The following CADM2 variants were observed in gnomAD, a reference collection of about 807,000 sequenced individuals.
CADM2 encodes the protein cell adhesion molecule 2.
A neutral mutation model predicts 49.8 loss-of-function variants in CADM2; 12 were observed. The ratio of observed to expected loss-of-function variants is 0.24; its 90% CI spans 0.15 to 0.39. CADM2 has a LOEUF of 0.39. Among genes scored for constraint, CADM2 ranks in the 10% least tolerant of loss-of-function variants. The probability of loss-of-function intolerance (pLI) is 1.00; values close to 1 mark genes in which losing one functional copy is unlikely to be tolerated. For synonymous variants in CADM2, 214 were observed against 175.4 expected (o/e 1.22, Z -1.74); for missense variants, 378 against 492.3 (o/e 0.77, Z 2.20).
chr3:86,006,468 C>G (rs903609968), intron 8 of CADM2, among the ~76,000 whole-genome samples: 1 of 152,158 alleles, frequency 6.6e-6, no homozygotes, highest in African/African-American at 2.4e-5. Context: ...AGCACTCAAC[C>G]TGTTGAAGGC....
At chr3:85,810,030 T>C (rs2072751776) in intron 3 of CADM2, among the ~76,000 whole-genome samples, 1 of 151,902 alleles carries the variant, frequency 6.6e-6, no homozygotes, top group African/African-American at 2.4e-5. Flanking sequence ...ATAATACAGA[T>C]ACAGGCATAA....
intron 1 of CADM2, among the ~76,000 whole-genome samples, chr3:85,032,486 G>T (rs2035030586): frequency 6.6e-6 from 1 of 151,784 alleles, no homozygotes; most frequent in Non-Finnish European, 1.5e-5. Context: ...TTATTTTTAA[G>T]AAAAAAATGT....
At chr3:85,799,366 C>G (rs1299094810) in intron 2 of CADM2, among the ~76,000 whole-genome samples, 1 of 152,128 alleles carries the variant, frequency 6.6e-6, no homozygotes, top group Non-Finnish European at 1.5e-5. Flanking sequence ...AAAGGGAATG[C>G]TTCCAGCTTT....
chr3:85,696,459 G>A lies in CADM2; in HGVS notation c.62-30063G>A, dbSNP rs933660101. Among the ~76,000 whole-genome samples, 4 of 151,896 alleles carry A rather than the reference G, an allele frequency of 2.6e-5. 1 individual carries two copies. Among genetic ancestry groups the A allele is most frequent in the African/African-American group, 9.7e-5 (4 of 41,386 alleles). On this transcript the variant is annotated intron_variant, in intron 1 of 9. Coordinates refer to ENST00000383699, the MANE Select transcript of CADM2 (RefSeq NM_001167675.2). ...AATTTTTGTATATGATGAGAGATAGGGGCTTGGTTTCATTCTTCTGCATAT... is the reference window on the plus strand; with the variant it reads ...AATTTTTGTATATGATGAGAGATAGAGGCTTGGTTTCATTCTTCTGCATAT...
intron 1 of CADM2, among the ~76,000 whole-genome samples, chr3:85,417,566 T>C (rs183168701): frequency 6.6e-6 from 1 of 152,316 alleles, no homozygotes; most frequent in East Asian, 1.9e-4. Context: ...TAGTTAGCCA[T>C]GCAACTTTTA....
intron 1 of CADM2, among the ~76,000 whole-genome samples, chr3:85,609,170 A>G (rs1368041536): frequency 1.3e-5 from 2 of 151,910 alleles, no homozygotes; most frequent in Non-Finnish European, 2.9e-5. Flanking sequence ...TGTACCAAAT[A>G]TAGGAATTGC....
rs867682262 is a variant in CADM2 at position 85,912,470 on chromosome 3, G to A, written c.627G>A (p.Ala209=). 12 of 1,613,956 alleles carry A rather than the reference G, an allele frequency of 7.4e-6. No homozygotes were observed. The highest frequency in any genetic ancestry group is 6.7e-5 in the African/African-American group (5 of 74,904). ...FRVDRSDDGV[A]VICRVDHESL... ...TGGACCGGAGTGATGATGGAGTGGC[G>A]GTCATCTGCAGAGTAGATCACGAAT... Residue 209 remains alanine, a synonymous_variant, in exon 6 of 10, where the codon GCG becomes GCA. Transcript: ENST00000383699.
intron 7 of CADM2, among the ~76,000 whole-genome samples, chr3:85,948,181 C>T (rs1396597387): frequency 6.6e-6 from 1 of 151,302 alleles, no homozygotes; most frequent in Non-Finnish European, 1.5e-5. Context: ...ATAGCAAATT[C>T]AACAACATAG....
At chr3:85,524,205 G>C (rs971588557) in intron 1 of CADM2, among the ~76,000 whole-genome samples, 1 of 151,896 alleles carries the variant, frequency 6.6e-6, no homozygotes, top group Non-Finnish European at 1.5e-5. Flanking sequence ...TATCTTTGTT[G>C]TCCTGTTTTC....
At chr3:85,299,102 T>C (rs1159785718) in intron 1 of CADM2, among the ~76,000 whole-genome samples, 3 of 152,086 alleles carry the variant, frequency 2.0e-5, no homozygotes, top group Non-Finnish European at 4.4e-5. Flanking sequence ...AAAAATCTGT[T>C]CCTATCTCTT....
chr3:85,923,946 T>C (rs1446088456), intron 6 of CADM2, among the ~76,000 whole-genome samples: 1 of 152,218 alleles, frequency 6.6e-6, no homozygotes, highest in Non-Finnish European at 1.5e-5. Context: ...CATTTGTATA[T>C]ATATCCATTT....
intron 1 of CADM2, among the ~76,000 whole-genome samples, chr3:85,360,095 G>T (rs954747064): frequency 2.6e-5 from 4 of 151,390 alleles, no homozygotes; most frequent in Non-Finnish European, 5.9e-5. Flanking sequence ...TTTTCATTTT[G>T]GAAAATATCA....
intron 2 of CADM2, among the ~76,000 whole-genome samples, chr3:85,735,676 A>G (rs58054333): frequency 1.1e-3 from 160 of 152,284 alleles, no homozygotes; most frequent in African/African-American, 3.7e-3. Flanking sequence ...AGGTAAAGTT[A>G]TATCTAGTAG....
Position 85,095,866 on chromosome 3 carries a change from C to G in CADM2, c.61+136198C>G, listed in dbSNP as rs535376950. Among the ~76,000 whole-genome samples the G allele has an allele frequency of 6.6e-5, 10 of 152,146 alleles. No individual in the cohort carries two copies. The South Asian group carries it at 2.1e-3, about 32-fold the overall frequency. ...AGTGGCGGACATTAACTCACAGGCC[C>G]AATTATGACATTGCACAACAGTCAT... On this transcript the variant is annotated intron_variant, in intron 1 of 9. Coordinates refer to ENST00000383699, the MANE Select transcript of CADM2 (RefSeq NM_001167675.2).
intron 3 of CADM2, among the ~76,000 whole-genome samples, chr3:85,875,745 G>A (rs762926452): frequency 1.3e-5 from 2 of 152,166 alleles, no homozygotes; most frequent in Non-Finnish European, 2.9e-5. Context: ...GGACTAAGTG[G>A]ACAATGTGCA....
intron 1 of CADM2, among the ~76,000 whole-genome samples, chr3:85,218,916 A>G (rs943642790): frequency 1.3e-5 from 2 of 152,212 alleles, no homozygotes; most frequent in Non-Finnish European, 1.5e-5. Context: ...TGACTGCCCT[A>G]TCAGCCTAAT....
At chr3:84,975,682 A>G (rs1371147359) in intron 1 of CADM2, among the ~76,000 whole-genome samples, 3 of 151,788 alleles carry the variant, frequency 2.0e-5, no homozygotes. Context: ...CTAATAGGAA[A>G]CTCAACATTA....
intron 1 of CADM2, among the ~76,000 whole-genome samples, chr3:85,021,868 A>C (rs2034527621): frequency 6.6e-6 from 1 of 152,222 alleles, no homozygotes. Flanking sequence ...AACACGTGTT[A>C]TAATCTTACA....
intron 1 of CADM2, among the ~76,000 whole-genome samples, chr3:85,190,697 C>T (rs2041187709): frequency 6.6e-6 from 1 of 152,128 alleles, no homozygotes; most frequent in East Asian, 1.9e-4. Context: ...AATTAATGTA[C>T]ATCAATCCGA....
Sources: gnomAD v4.1 joint callset for allele counts (sites outside exome capture counted in the v4.1 genomes callset) on GRCh38, gnomAD v4.1.1 for gene constraint, MANE v1.5 for transcripts, NCBI Gene and HGNC (gene_info 2026-07-23, HGNC 2026-07-21) for gene names.